SLC25A21: variants seen among roughly 807,000 people sequenced by gnomAD.
SLC25A21 encodes the protein mitochondrial 2-oxodicarboxylate carrier.
Under a neutral mutation model 43.8 loss-of-function variants are expected in SLC25A21, and 47 were observed. That is an observed-to-expected ratio of 1.07 (90% CI 0.85 to 1.37). The LOEUF (loss-of-function observed/expected upper bound fraction) is 1.37, where lower values mean the gene tolerates loss of function less well. SLC25A21 is among the 40% of genes most tolerant of loss of function. The pLI is 0.00. For synonymous variants in SLC25A21, 131 were observed against 121.3 expected (o/e 1.08, Z -0.52); for missense variants, 352 against 350.2 (o/e 1.00, Z -0.04).
intron 1 of SLC25A21, among the ~76,000 whole-genome samples, chr14:37,106,227 T>C (rs143592418): frequency 0.026 from 4,033 of 152,252 alleles, 86 homozygotes; most frequent in Middle Eastern, 0.048. Flanking sequence ...AAGGTCTGAC[T>C]GCCTGTGGGG....
At chr14:37,032,428 C>T (rs1405112267) in intron 1 of SLC25A21, among the ~76,000 whole-genome samples, 9 of 151,910 alleles carry the variant, frequency 5.9e-5, no homozygotes, top group African/African-American at 1.9e-4. Flanking sequence ...CCCAGCTACT[C>T]GGGAGGCTGA....
chr14:36,966,069 C>CA (rs941191876), intron 1 of SLC25A21, among the ~76,000 whole-genome samples: 8 of 151,960 alleles, frequency 5.3e-5, no homozygotes, highest in Non-Finnish European at 8.8e-5. Context: ...CTTAAACAAA[C>CA]AAAAAAATGC....
intron 1 of SLC25A21, among the ~76,000 whole-genome samples, chr14:37,162,464 T>A (rs977152773): frequency 1.2e-4 from 7 of 57,210 alleles, no homozygotes; most frequent in African/African-American, 3.9e-4. Flanking sequence ...AACAACCCCA[T>A]CAAAAAGTGG....
intron 1 of SLC25A21, among the ~76,000 whole-genome samples, chr14:36,968,371 A>T (rs911685575): frequency 2.0e-5 from 3 of 152,134 alleles, no homozygotes; most frequent in African/African-American, 7.2e-5. Context: ...GTCATTCCTG[A>T]CAAGCCCGGC....
intron 9 of SLC25A21, among the ~76,000 whole-genome samples, chr14:36,682,451 C>T (rs1296314303): frequency 2.0e-5 from 3 of 152,114 alleles, no homozygotes; most frequent in African/African-American, 7.2e-5. Flanking sequence ...AAAAAGCCAG[C>T]CAAACATTTG....
intron 1 of SLC25A21, among the ~76,000 whole-genome samples, chr14:37,092,935 G>A (rs1015106516): frequency 8.3e-5 from 12 of 143,944 alleles, no homozygotes; most frequent in African/African-American, 2.1e-4. Context: ...ACACACACAC[G>A]CACATACGGG....
chr14:36,721,993 C>T (rs1412941264), intron 6 of SLC25A21, among the ~76,000 whole-genome samples: 2 of 152,162 alleles, frequency 1.3e-5, no homozygotes, highest in African/African-American at 4.8e-5. Flanking sequence ...TCCTCTATTC[C>T]AGTCTCCTCT....
At chr14:36,876,832 T>G (rs1401644719) in intron 1 of SLC25A21, among the ~76,000 whole-genome samples, 2 of 150,846 alleles carry the variant, frequency 1.3e-5, no homozygotes, top group African/African-American at 4.9e-5. Context: ...ATATGAAATA[T>G]GTATATATAT....
At chr14:36,695,614 A>G (rs1431760747) in intron 7 of SLC25A21, among the ~76,000 whole-genome samples, 1 of 152,272 alleles carries the variant, frequency 6.6e-6, no homozygotes, top group Middle Eastern at 3.4e-3. Context: ...TTCTCCTTGA[A>G]GAGGTCCTTC....
At chr14:36,766,627 G>A (rs773951145) in intron 3 of SLC25A21, among the ~76,000 whole-genome samples, 5 of 152,086 alleles carry the variant, frequency 3.3e-5, no homozygotes, top group African/African-American at 7.2e-5. Context: ...AACATGCCCC[G>A]TGCTTTCTGG....
At chr14:36,948,239 T>A (rs1892722086) in intron 1 of SLC25A21, among the ~76,000 whole-genome samples, 1 of 152,294 alleles carries the variant, frequency 6.6e-6, no homozygotes, top group East Asian at 1.9e-4. Context: ...GGCTTCGATT[T>A]TTTTATTTGC....
chr14:37,141,042 A>G (rs1963561856), intron 1 of SLC25A21, among the ~76,000 whole-genome samples: 1 of 152,178 alleles, frequency 6.6e-6, no homozygotes. Flanking sequence ...GTTACTTGGG[A>G]GACTGAGTCA....
At chr14:36,821,888 T>C (rs1888649361) in intron 2 of SLC25A21, among the ~76,000 whole-genome samples, 1 of 152,108 alleles carries the variant, frequency 6.6e-6, no homozygotes, top group African/African-American at 2.4e-5. Context: ...CTACGTAACA[T>C]TGCCTTAGCA....
chr14:37,108,706 TG>T (rs1566887530), intron 1 of SLC25A21, among the ~76,000 whole-genome samples: 1 of 9,514 alleles, frequency 1.1e-4, no homozygotes. Context: ...TTTTGTTAAG[TG>T]TGTGTGTGTG....
intron 2 of SLC25A21, chr14:36,870,592 T>C (rs769667421): frequency 1.3e-5 from 2 of 152,196 alleles, no homozygotes; most frequent in Non-Finnish European, 2.9e-5. Context: ...TGACCACCTC[T>C]TAAGTTGAAT....
intron 1 of SLC25A21, among the ~76,000 whole-genome samples, chr14:37,096,272 T>C (rs1418914563): frequency 6.6e-6 from 1 of 152,334 alleles, no homozygotes; most frequent in African/African-American, 2.4e-5. Flanking sequence ...ATTGTAGTTA[T>C]AAACAGTCTT....
At chr14:36,958,998 G>T (rs1259212142) in intron 1 of SLC25A21, among the ~76,000 whole-genome samples, 1 of 152,098 alleles carries the variant, frequency 6.6e-6, no homozygotes, top group African/African-American at 2.4e-5. Context: ...GTAAATAAAT[G>T]GTTCCACCCT....
chr14:36,817,760 C>A (rs919827673), intron 2 of SLC25A21, among the ~76,000 whole-genome samples: 4 of 152,172 alleles, frequency 2.6e-5, no homozygotes, highest in Admixed American at 2.0e-4. Flanking sequence ...CAGCCTTAGC[C>A]TTTCCTTCCC....
At chr14:36,854,939 G>GT (rs1357177254) in intron 2 of SLC25A21, among the ~76,000 whole-genome samples, 1 of 151,088 alleles carries the variant, frequency 6.6e-6, no homozygotes, top group Non-Finnish European at 1.5e-5. Flanking sequence ...GAGGTGGGGG[G>GT]GGGTATTCTG....
Sources: gnomAD v4.1 joint callset for allele counts (sites outside exome capture counted in the v4.1 genomes callset) on GRCh38, gnomAD v4.1.1 for gene constraint, MANE v1.5 for transcripts, NCBI Gene and HGNC (gene_info 2026-07-23, HGNC 2026-07-21) for gene names.